PMFBP1: variants seen among roughly 807,000 people sequenced by gnomAD.
The protein encoded by PMFBP1 is polyamine-modulated factor 1-binding protein 1.
Under a neutral mutation model 137.8 loss-of-function variants are expected in PMFBP1, and 131 were observed. The ratio of observed to expected loss-of-function variants is 0.95; its 90% CI spans 0.82 to 1.10. The LOEUF is 1.10. Ranked by LOEUF, PMFBP1 falls within the 50% of genes least tolerant of loss-of-function variation. The pLI, the probability that PMFBP1 is intolerant of heterozygous loss-of-function variation, is 0.00. For synonymous variants in PMFBP1, 490 were observed against 450.4 expected, an observed-to-expected ratio of 1.09 and a Z score of -1.11; for missense variants, 1,199 against 1,175.4, an observed-to-expected ratio of 1.02 and a Z score of -0.29.
chr16:72,212,287 C>T, the PMFBP1 span, among the ~76,000 whole-genome samples: 2 of 151,736 alleles, frequency 1.3e-5, no homozygotes, highest in Non-Finnish European at 2.9e-5. Context: ...ATGCCTACCA[C>T]ATCTTCAAGA....
At chr16:72,155,782 G>A (rs557976488) in intron 3 of PMFBP1, among the ~76,000 whole-genome samples, 1 of 152,046 alleles carries the variant, frequency 6.6e-6, no homozygotes, top group Non-Finnish European at 1.5e-5. Flanking sequence ...TTATAGAATT[G>A]TGTGACCATC....
In PMFBP1 at chr16:72,128,794, A is replaced by C; in HGVS notation, c.1951T>G (p.Leu651Val). 4 of 1,614,110 alleles carry C rather than the reference A, an allele frequency of 2.5e-6. No individual in the cohort carries two copies. Among genetic ancestry groups the C allele is most frequent in the Non-Finnish European group, 3.4e-6 (4 of 1,180,020 alleles). The change falls in exon 14 of 21, where the codon TTG becomes GTG. Residue 651 changes from leucine to valine, a missense_variant and splice_region_variant. Leu to Val is a conservative substitution (Grantham distance 32). Coordinates refer to ENST00000237353, the MANE Select transcript of PMFBP1 (RefSeq NM_031293.3). ...TCCAACTTTCTGGAATTCTCTTTCA[A>C]CTGTTCCCTCATTAAAGAACAAAGC... ...RQEFKKKDKT[L>V]KENSRKLEEE...
the PMFBP1 span, among the ~76,000 whole-genome samples, chr16:72,242,883 G>C: frequency 6.6e-6 from 1 of 152,184 alleles, no homozygotes; most frequent in Non-Finnish European, 1.5e-5. Context: ...TGTGCAAAGG[G>C]GAGGAGGGAA....
In PMFBP1 at chr16:72,145,275, A is replaced by G. The variant is rs183340199; in HGVS notation, c.637-4693T>C. 1.2e-4 allele frequency among the ~76,000 whole-genome samples: 19 copies of G among 152,338 alleles called. 1 individual carries two copies. Among genetic ancestry groups the G allele is most frequent in the African/African-American group, 3.4e-4 (14 of 41,566 alleles). On this transcript the variant is annotated intron_variant, in intron 5 of 20. Coordinates refer to ENST00000237353, the MANE Select transcript of PMFBP1 (RefSeq NM_031293.3). ...TGGAAACTGAACAACCTGCTCCTGA[A>G]TGACTACTGGGTAAGTAACGAAATG... is the stretch of plus-strand genomic sequence containing the variant.
In PMFBP1 at chr16:72,150,697, C is replaced by T. The variant is rs184003113; in HGVS notation, c.547G>A (p.Asp183Asn). 1,512 of 1,614,152 alleles carry T rather than the reference C, an allele frequency of 9.4e-4. 4 individuals are homozygous for T. The highest frequency in any genetic ancestry group is 1.2e-3 in the Non-Finnish European group (1,383 of 1,180,020). ...TTGCTCAGGGAAGACTGGTATTTAT[C>T]CCTGTAGAGGTTTAAGCTCCTCTCT... ...SLERSLNLYR[D>N]KYQSSLSNIE... The change falls in exon 5 of 21, where the codon GAT (aspartate) becomes AAT (asparagine). Residue 183 changes from aspartate to asparagine, a missense_variant. By Grantham distance (23) the Asp-to-Asn change is conservative (BLOSUM62 1). Coordinates refer to ENST00000237353, the MANE Select transcript of PMFBP1 (RefSeq NM_031293.3).
the PMFBP1 span, among the ~76,000 whole-genome samples, chr16:72,189,112 T>C: frequency 6.6e-6 from 1 of 152,314 alleles, no homozygotes; most frequent in Middle Eastern, 3.4e-3. Context: ...CCAGGCACCG[T>C]GCTATGGACT....
chr16:72,240,942 C>G, the PMFBP1 span, among the ~76,000 whole-genome samples: 1 of 149,264 alleles, frequency 6.7e-6, no homozygotes, highest in Non-Finnish European at 1.5e-5. Flanking sequence ...ACAGGGAGAG[C>G]GTGCAAGAGA....
intron 17 of PMFBP1, among the ~76,000 whole-genome samples, chr16:72,123,870 CAG>C (rs1187339765): frequency 6.6e-6 from 1 of 152,170 alleles, no homozygotes; most frequent in Non-Finnish European, 1.5e-5. Flanking sequence ...CCATTTATGG[CAG>C]AGACACGTAG....
At chr16:72,135,899 C>T (rs777588006) in intron 9 of PMFBP1, among the ~76,000 whole-genome samples, 11 of 151,044 alleles carry the variant, frequency 7.3e-5, no homozygotes, top group African/African-American at 2.2e-4. Flanking sequence ...GGACTACAGG[C>T]GCACACCACC....
At chr16:72,239,885 CA>C in the PMFBP1 span, among the ~76,000 whole-genome samples, 31 of 21,398 alleles carry the variant, frequency 1.4e-3, no homozygotes, top group South Asian at 1.8e-3. Flanking sequence ...ACTCCATGTA[CA>C]AAAAAAAAAA....
At chr16:72,196,008 TGTGTGTGTG>T in the PMFBP1 span, among the ~76,000 whole-genome samples, 1 of 151,654 alleles carries the variant, frequency 6.6e-6, no homozygotes, top group Non-Finnish European at 1.5e-5. Context: ...TGTGTGTGTG[TGTGTGTGTG>T]TGTGTGTGTG....
chr16:72,135,348 T>TGC (rs1300544769), intron 9 of PMFBP1, among the ~76,000 whole-genome samples: 1 of 146,044 alleles, frequency 6.8e-6, no homozygotes, highest in African/African-American at 2.5e-5. Context: ...GCTAATTTTG[T>TGC]GTGTGTGTGT....
intron 7 of PMFBP1, among the ~76,000 whole-genome samples, chr16:72,138,466 G>C (rs1191596225): frequency 6.6e-6 from 1 of 152,172 alleles, no homozygotes; most frequent in Non-Finnish European, 1.5e-5. Flanking sequence ...CCTCACCTAA[G>C]AGGACACCTG....
the PMFBP1 span, among the ~76,000 whole-genome samples, chr16:72,201,723 A>C: frequency 6.6e-6 from 1 of 152,230 alleles, no homozygotes; most frequent in African/African-American, 2.4e-5. Context: ...AAAAGGGCTA[A>C]TATTGATTAA....
At chr16:72,246,499 C>T in the PMFBP1 span, among the ~76,000 whole-genome samples, 10 of 152,086 alleles carry the variant, frequency 6.6e-5, no homozygotes, top group South Asian at 2.1e-4. Flanking sequence ...TCACGTATTT[C>T]GTGCCTTAAT....
downstream of PMFBP1, chr16:72,119,049 T>C: frequency 2.8e-6 from 1 of 360,408 alleles, no homozygotes; most frequent in Non-Finnish European, 5.0e-6. Context: ...TGCTGGGGGA[T>C]TGCGGGGCAG....
the PMFBP1 span, among the ~76,000 whole-genome samples, chr16:72,214,856 A>G: frequency 6.6e-6 from 1 of 152,206 alleles, no homozygotes. Flanking sequence ...CAATGTATCT[A>G]AAAGGTTCAA....
chr16:72,136,823 G>T lies in PMFBP1; in HGVS notation c.919-4C>A. On this transcript the variant is annotated splice_region_variant and splice_polypyrimidine_tract_variant and intron_variant, in intron 7 of 20. Coordinates refer to ENST00000237353, the MANE Select transcript of PMFBP1 (RefSeq NM_031293.3). ...GCTCCTGCAAGTGCTTCAGTATCTG[G>T]CAGATGGAAGAACAGGGCAGGATGA... The T allele has an allele frequency of 6.2e-7, 1 of 1,614,084 alleles. No individual in the cohort carries two copies.
intron 19 of PMFBP1, 24 bp from the exon 20 acceptor site, chr16:72,120,113 G>T (rs1425076483): frequency 6.2e-7 from 1 of 1,614,106 alleles, no homozygotes; most frequent in Non-Finnish European, 8.5e-7. Context: ...AGGAAGGACG[G>T]GTTGTGTTGG....
Sources: allele counts gnomAD v4.1 joint callset (sites outside exome capture counted in the v4.1 genomes callset), GRCh38; gene constraint gnomAD v4.1.1; transcripts MANE v1.5; gene names NCBI Gene and HGNC (gene_info 2026-07-23, HGNC 2026-07-21).